FADS2: variants seen among roughly 807,000 people sequenced by gnomAD.
The protein encoded by FADS2 is fatty acid desaturase 2.
In FADS2, 18 loss-of-function variants were observed where a neutral mutation model predicts 61.2. The ratio of observed to expected loss-of-function variants is 0.29; its 90% CI spans 0.20 to 0.44. The LOEUF (loss-of-function observed/expected upper bound fraction) is 0.44. Among genes scored for constraint, FADS2 ranks in the 20% least tolerant of loss-of-function variants. The pLI, the probability that FADS2 is intolerant of heterozygous loss-of-function variation, is 1.00. For missense variants in FADS2, 322 were observed against 572.7 expected, an observed-to-expected ratio of 0.56 and a Z score of 4.47; for synonymous variants, 203 against 223.9, an observed-to-expected ratio of 0.91 and a Z score of 0.83.
At chr11:61,851,665 G>C (rs1480380987) in intron 5 of FADS2, among the ~76,000 whole-genome samples, 1 of 152,240 alleles carries the variant, frequency 6.6e-6, no homozygotes. Context: ...GGGGCGGCCA[G>C]GTCCCAGGGC....
chr11:61,831,916 C>T (rs545958951), intron 1 of FADS2, among the ~76,000 whole-genome samples: 1 of 152,320 alleles, frequency 6.6e-6, no homozygotes, highest in African/African-American at 2.4e-5. Context: ...CGTGTCTGCT[C>T]TTTTCACAGC....
At chr11:61,822,512 G>A (rs527263442) in intron 1 of FADS2, among the ~76,000 whole-genome samples, 1 of 152,154 alleles carries the variant, frequency 6.6e-6, no homozygotes, top group Non-Finnish European at 1.5e-5. Context: ...GGAGAAGGCT[G>A]TTGTCCTTGC....
intron 5 of FADS2, among the ~76,000 whole-genome samples, chr11:61,852,861 A>AG (rs1288177323): frequency 1.3e-5 from 2 of 152,032 alleles, no homozygotes; most frequent in African/African-American, 4.8e-5. Context: ...AATAATGAAA[A>AG]CGTAGTCTCT....
intron 4 of FADS2, among the ~76,000 whole-genome samples, chr11:61,845,915 C>G (rs1032916458): frequency 6.6e-6 from 1 of 152,118 alleles, no homozygotes; most frequent in Non-Finnish European, 1.5e-5. Context: ...TCCTTGTTGT[C>G]AGCCCGTCTT....
Position 61,836,695 on chromosome 11 carries a change from A to G in FADS2, c.208-1083A>G, listed in dbSNP as rs148338383. 6.6e-5 allele frequency among the ~76,000 whole-genome samples: 10 copies of G among 152,342 alleles called. No homozygotes were observed. In the East Asian group the frequency reaches 1.9e-3, roughly 29 times the overall value. ...AGAGTTGCAGTTTTTATATCATTTT[A>G]GTCTCTTTTAATCTAGACCATGCTT... On this transcript the variant is annotated intron_variant, in intron 1 of 11. Transcript: ENST00000278840.
At chr11:61,847,348 G>A (rs924565275) in intron 4 of FADS2, 5 of 152,060 alleles carry the variant, frequency 3.3e-5, no homozygotes, top group Non-Finnish European at 5.9e-5. Context: ...GAAACCCCAC[G>A]TTTCTTAGCC....
chr11:61,851,249 A>G (rs1004339640), intron 5 of FADS2, among the ~76,000 whole-genome samples: 1 of 152,202 alleles, frequency 6.6e-6, no homozygotes, highest in Non-Finnish European at 1.5e-5. Context: ...CTGTGTCTCC[A>G]ACAAAGAAAG....
intron 7 of FADS2, among the ~76,000 whole-genome samples, 167 bp downstream of exon 7, chr11:61,857,697 C>G (rs2067374742): frequency 6.6e-6 from 1 of 152,084 alleles, no homozygotes; most frequent in African/African-American, 2.4e-5. Flanking sequence ...TCTGGGGCCA[C>G]CAGGACCTAG....
intron 1 of FADS2, among the ~76,000 whole-genome samples, chr11:61,830,368 C>A (rs1487731432): frequency 6.6e-6 from 1 of 152,192 alleles, no homozygotes; most frequent in Non-Finnish European, 1.5e-5. Flanking sequence ...ATTGCCTTGA[C>A]CTTTCTGGTT....
chr11:61,857,285 A>G (rs2067368358), intron 6 of FADS2, among the ~76,000 whole-genome samples, 169 bp from the exon 7 acceptor site: 1 of 152,086 alleles, frequency 6.6e-6, no homozygotes, highest in Non-Finnish European at 1.5e-5. Context: ...GGGGTGACAC[A>G]CGTCCTCAAG....
chr11:61,845,483 T>A (rs939855416), intron 4 of FADS2, among the ~76,000 whole-genome samples: 3 of 152,108 alleles, frequency 2.0e-5, no homozygotes, highest in African/African-American at 7.2e-5. Flanking sequence ...CAAGCAGGGC[T>A]TCACCTGGCA....
intron 7 of FADS2, among the ~76,000 whole-genome samples, chr11:61,859,049 T>G (rs1228503546): frequency 1.3e-5 from 2 of 152,142 alleles, no homozygotes; most frequent in Admixed American, 6.5e-5. Flanking sequence ...TATTGATTAC[T>G]GTTTTTTGTT....
chr11:61,836,418 G>T (rs2067175508), intron 1 of FADS2, among the ~76,000 whole-genome samples: 1 of 150,170 alleles, frequency 6.7e-6, no homozygotes, highest in Non-Finnish European at 1.5e-5. Flanking sequence ...TTGAGACAGG[G>T]TCTCACTCTC....
intron 5 of FADS2, chr11:61,855,857 T>C (rs1565335375): frequency 6.6e-6 from 1 of 152,366 alleles, no homozygotes; most frequent in African/African-American, 2.4e-5. Flanking sequence ...CTGGACACTA[T>C]AGGAGGAGGC....
intron 1 of FADS2, chr11:61,821,549 A>T: frequency 1.5e-6 from 1 of 655,258 alleles, no homozygotes; most frequent in East Asian, 2.7e-5. Flanking sequence ...TTACAAAGTC[A>T]ACACATATAG....
Position 61,840,342 on chromosome 11 carries a change from C to T in FADS2, c.327C>T (p.Ile109=). 1 of 1,614,022 alleles carries T rather than the reference C, an allele frequency of 6.2e-7. No homozygotes were observed. Among genetic ancestry groups the T allele is most frequent in the Non-Finnish European group, 8.5e-7 (1 of 1,179,952 alleles). Residue 109 remains isoleucine, a synonymous_variant, in exon 3 of 12, where the codon ATC becomes ATT. Coordinates refer to ENST00000278840, the MANE Select transcript of FADS2 (RefSeq NM_004265.4). ...PSQDHGKNSK[I]TEDFRALRKT... ...GTGCTCTTGGTCAACAGTCAAAGAT[C>T]ACTGAGGACTTCCGGGCCCTGAGGA...
At chr11:61,838,066 A>G (rs1396016616) in intron 2 of FADS2, among the ~76,000 whole-genome samples, 178 bp downstream of exon 2, 1 of 152,026 alleles carries the variant, frequency 6.6e-6, no homozygotes, top group African/African-American at 2.4e-5. Context: ...CCTCCCTGGG[A>G]GCCGGGGTTT....
intron 1 of FADS2, among the ~76,000 whole-genome samples, chr11:61,832,675 C>T (rs1424548006): frequency 6.6e-6 from 1 of 152,212 alleles, no homozygotes; most frequent in Non-Finnish European, 1.5e-5. Flanking sequence ...ATAGGGGCTT[C>T]CTGCCCTGCC....
chr11:61,863,841 G>A (rs369703517), intron 10 of FADS2, 55 bp downstream of exon 10: 16 of 1,376,222 alleles, frequency 1.2e-5, no homozygotes, highest in Admixed American at 3.4e-5. Flanking sequence ...GGAAGTGGCC[G>A]CTATCCCACT....
Sources: gnomAD v4.1 joint callset for allele counts (sites outside exome capture counted in the v4.1 genomes callset) on GRCh38, gnomAD v4.1.1 for gene constraint, MANE v1.5 for transcripts, NCBI Gene and HGNC (gene_info 2026-07-23, HGNC 2026-07-21) for gene names.